PDE11A: variants seen among roughly 807,000 people sequenced by gnomAD.
PDE11A encodes the protein dual 3',5'-cyclic-AMP and -GMP phosphodiesterase 11A.
A neutral mutation model predicts 100.5 loss-of-function variants in PDE11A; 100 were observed. That is an observed-to-expected ratio of 1.00 (90% CI 0.85 to 1.18). The LOEUF (loss-of-function observed/expected upper bound fraction) is 1.18. PDE11A is among the 50% of genes most tolerant of loss of function. The pLI is 0.00. For synonymous variants in PDE11A, 381 were observed against 420.8 expected (o/e 0.91, Z 1.16); for missense variants, 1,141 against 1,152.6 (o/e 0.99, Z 0.15).
intron 1 of PDE11A, among the ~76,000 whole-genome samples, chr2:178,020,279 G>A (rs935197462): frequency 6.6e-6 from 1 of 152,120 alleles, no homozygotes; most frequent in Non-Finnish European, 1.5e-5. Flanking sequence ...TGCATCTCTG[G>A]AGAAGGGTCT....
chr2:177,997,465 A>G, intron 2 of PDE11A: 1 of 825,292 alleles, frequency 1.2e-6, no homozygotes, highest in East Asian at 2.4e-5. Context: ...TCTTACAAGA[A>G]GGAGGAATGT....
chr2:177,656,952 G>C (rs527260960), intron 19 of PDE11A, among the ~76,000 whole-genome samples: 9 of 152,300 alleles, frequency 5.9e-5, no homozygotes, highest in African/African-American at 2.2e-4. Context: ...GTGAGCTTCA[G>C]AATGAATGAG....
chr2:177,691,442 T>C (rs2081039483), intron 15 of PDE11A, among the ~76,000 whole-genome samples: 1 of 152,164 alleles, frequency 6.6e-6, no homozygotes, highest in Admixed American at 6.5e-5. Context: ...ACAAAGTGTG[T>C]TTGGAACTAG....
At chr2:177,639,946 A>G (rs2080114410) in intron 19 of PDE11A, among the ~76,000 whole-genome samples, 1 of 152,248 alleles carries the variant, frequency 6.6e-6, no homozygotes. Context: ...TGTCATTAAT[A>G]TATTTTTTAA....
At chr2:178,032,556 C>G in intron 1 of PDE11A, among the ~76,000 whole-genome samples, 1 of 152,112 alleles carries the variant, frequency 6.6e-6, no homozygotes, top group South Asian at 2.1e-4. Context: ...TGCTAAGGGA[C>G]AGAATGCCTC....
chr2:177,638,186 A>C (rs2080080164), intron 19 of PDE11A, among the ~76,000 whole-genome samples: 1 of 151,578 alleles, frequency 6.6e-6, no homozygotes, highest in Non-Finnish European at 1.5e-5. Flanking sequence ...TTTTTAGTAG[A>C]GACAGGGTTT....
intron 2 of PDE11A, among the ~76,000 whole-genome samples, chr2:177,938,668 G>T (rs538906393): frequency 6.6e-6 from 1 of 152,296 alleles, no homozygotes; most frequent in East Asian, 1.9e-4. Flanking sequence ...GGAACCCATC[G>T]TAGTGAGGTG....
At chr2:177,982,736 G>C (rs780378637) in intron 2 of PDE11A, among the ~76,000 whole-genome samples, 1 of 150,480 alleles carries the variant, frequency 6.6e-6, no homozygotes, top group African/African-American at 2.4e-5. Flanking sequence ...GTAATTTCTT[G>C]ATAGCCAAAA....
intron 9 of PDE11A, among the ~76,000 whole-genome samples, chr2:177,777,716 T>C (rs1023512427): frequency 6.6e-6 from 1 of 152,220 alleles, no homozygotes; most frequent in Non-Finnish European, 1.5e-5. Context: ...ATAAATATAC[T>C]ATCATACTCT....
At chr2:177,919,107 T>C (rs1476301748) in intron 2 of PDE11A, among the ~76,000 whole-genome samples, 1 of 151,854 alleles carries the variant, frequency 6.6e-6, no homozygotes, top group Non-Finnish European at 1.5e-5. Context: ...TTAACATTTT[T>C]TTTTTTTTGA....
At chr2:177,679,144 A>G (rs1264074946) in intron 16 of PDE11A, among the ~76,000 whole-genome samples, 1 of 137,358 alleles carries the variant, frequency 7.3e-6, no homozygotes, top group Non-Finnish European at 1.6e-5. Flanking sequence ...AGCTGAAGAG[A>G]ACAAAGGTTG....
chr2:177,639,398 G>A (rs1370311330), intron 19 of PDE11A, among the ~76,000 whole-genome samples: 1 of 152,106 alleles, frequency 6.6e-6, no homozygotes. Context: ...GTGGAAACAA[G>A]GCCTTTTATC....
At chr2:178,026,307 T>A (rs2086477030) in intron 1 of PDE11A, among the ~76,000 whole-genome samples, 1 of 152,154 alleles carries the variant, frequency 6.6e-6, no homozygotes, top group African/African-American at 2.4e-5. Context: ...CATAATTTGT[T>A]TAGGTTTTAT....
intron 12 of PDE11A, among the ~76,000 whole-genome samples, chr2:177,724,378 T>G (rs2081570578): frequency 1.3e-5 from 2 of 152,060 alleles, no homozygotes; most frequent in Non-Finnish European, 2.9e-5. Context: ...CACATGAACC[T>G]GAATACTTTT....
intron 6 of PDE11A, among the ~76,000 whole-genome samples, chr2:177,836,390 C>T (rs111337755): frequency 5.9e-5 from 9 of 152,326 alleles, no homozygotes; most frequent in African/African-American, 1.9e-4. Context: ...TTTGTAAATG[C>T]ACCAATCATT....
intron 12 of PDE11A, among the ~76,000 whole-genome samples, chr2:177,712,196 G>A (rs572357370): frequency 1.6e-4 from 25 of 152,254 alleles, no homozygotes; most frequent in African/African-American, 5.3e-4. Flanking sequence ...GGCAAAATGT[G>A]TTTTGTTATT....
intron 9 of PDE11A, among the ~76,000 whole-genome samples, chr2:177,800,573 T>C (rs77091220): frequency 0.012 from 1,865 of 152,318 alleles, 34 homozygotes; most frequent in African/African-American, 0.042. Context: ...TCTTGTACTT[T>C]AATTATGATT....
rs1037959388 is a variant in PDE11A at position 177,624,667 on chromosome 2, T to C, written c.*4740A>G. 2.0e-5 allele frequency: 3 copies of C among 152,244 alleles called. No homozygotes were observed. The highest frequency in any genetic ancestry group is 7.2e-5 in the African/African-American group (3 of 41,470). 9.4% of individuals were successfully genotyped at this position (152,244 alleles called of 1,614,324 possible). A position where few individuals can be genotyped will look rare whatever the true frequency, so the allele number is the denominator to read the frequency against. Reference sequence around the variant, plus strand: ...TCTCAGATTTTAGAAACAAAATGCATGTGCAATTTTAACTTCTCTTAACTT... The same window carrying C: ...TCTCAGATTTTAGAAACAAAATGCACGTGCAATTTTAACTTCTCTTAACTT... On this transcript the variant is annotated 3_prime_UTR_variant, in exon 20 of 20. Coordinates refer to ENST00000286063, the MANE Select transcript of PDE11A (RefSeq NM_016953.4).
At chr2:177,830,209 G>T (rs1006285647) in intron 6 of PDE11A, among the ~76,000 whole-genome samples, 1 of 152,152 alleles carries the variant, frequency 6.6e-6, no homozygotes, top group African/African-American at 2.4e-5. Context: ...AATTCCACAC[G>T]GCCAATATCT....
Sources: gnomAD v4.1 joint callset for allele counts (sites outside exome capture counted in the v4.1 genomes callset) on GRCh38, gnomAD v4.1.1 for gene constraint, MANE v1.5 for transcripts, NCBI Gene and HGNC (gene_info 2026-07-23, HGNC 2026-07-21) for gene names.